NR1I2: variants seen among roughly 807,000 people sequenced by gnomAD.
NR1I2 encodes nuclear receptor subfamily 1 group I member 2.
Under a neutral mutation model 43.3 loss-of-function variants are expected in NR1I2, and 42 were observed. That is an observed-to-expected ratio of 0.97 (90% CI 0.76 to 1.26). The LOEUF is 1.26. Among genes scored for constraint, NR1I2 ranks in the 50% most tolerant of loss-of-function variants. The pLI is 0.00. For missense variants in NR1I2, 559 were observed against 566.7 expected, an observed-to-expected ratio of 0.99 and a Z score of 0.14; for synonymous variants, 229 against 215.0, an observed-to-expected ratio of 1.06 and a Z score of -0.57.
chr3:119,806,034 C>G (rs1317698489), intron 1 of NR1I2, among the ~76,000 whole-genome samples: 1 of 152,142 alleles, frequency 6.6e-6, no homozygotes, highest in Non-Finnish European at 1.5e-5. Flanking sequence ...TGTCACCTGT[C>G]ATGATGTTGG....
intron 1 of NR1I2, among the ~76,000 whole-genome samples, chr3:119,797,069 G>C (rs2055010179): frequency 6.6e-6 from 1 of 152,188 alleles, no homozygotes; most frequent in Non-Finnish European, 1.5e-5. Context: ...GCTGGGTCCT[G>C]TTTGGTCACA....
Position 119,812,845 on chromosome 3 carries a change from C to G in NR1I2, c.679C>G (p.Pro227Ala). ...GGATGGCAGTGTCTGGAACTACAAACCCCCAGCCGACAGTGGCGGGAAAGA... is the reference window on the plus strand; with the variant it reads ...GGATGGCAGTGTCTGGAACTACAAAGCCCCAGCCGACAGTGGCGGGAAAGA... Residue 227 changes from proline (P) to alanine (A), a missense_variant, in exon 5 of 9, where the codon CCC becomes GCC. Pro to Ala is a conservative substitution (Grantham distance 27, BLOSUM62 -1). This residue lies in a region of NR1I2 where 323 missense variants were observed against 312.2 expected (regional missense o/e 1.03). Coordinates refer to ENST00000393716, the MANE Select transcript of NR1I2 (RefSeq NM_003889.4). 6.2e-7 allele frequency: 1 copy of G among 1,614,222 alleles called. No individual in the cohort carries two copies. Among genetic ancestry groups the G allele is most frequent in the African/African-American group, 1.3e-5 (1 of 75,044 alleles).
intron 1 of NR1I2, among the ~76,000 whole-genome samples, chr3:119,786,402 T>C (rs1214441872): frequency 6.6e-6 from 1 of 152,212 alleles, no homozygotes; most frequent in Non-Finnish European, 1.5e-5. Flanking sequence ...CCTGAACCTC[T>C]TTGAAACATC....
rs199860148 is a variant in NR1I2 at position 119,815,085 on chromosome 3, T to G, written c.901T>G (p.Cys301Gly). 6.2e-6 allele frequency: 10 copies of G among 1,613,764 alleles called. No homozygotes were observed. Among genetic ancestry groups the G allele is most frequent in the Non-Finnish European group, 8.5e-6 (10 of 1,179,948 alleles). The change falls in exon 6 of 9, where the codon TGT (cysteine) becomes GGT (glycine). Residue 301 changes from cysteine (C) to glycine (G), a missense_variant. This residue lies in a region of NR1I2 where 323 missense variants were observed against 312.2 expected (regional missense o/e 1.03). Transcript: ENST00000393716. ...CAACGCGGAGACTGGAACCTGGGAG[T>G]GTGGCCGGCTGTCCTACTGCTTGGA...
rs558424430 is a variant in NR1I2 at position 119,783,641 on chromosome 3, A to G, written c.-23+1341A>G. Among the ~76,000 whole-genome samples, 3 of 152,346 alleles carry G rather than the reference A, an allele frequency of 2.0e-5. No individual in the cohort carries two copies. The East Asian group carries it at 5.8e-4, about 29-fold the overall frequency. Reference sequence around the variant, plus strand: ...TTTTTAGGTAATAACTTTTTAAATTATAAAGTAATACATGATTTCATGCTC... The same window carrying G: ...TTTTTAGGTAATAACTTTTTAAATTGTAAAGTAATACATGATTTCATGCTC... On this transcript the variant is annotated intron_variant, in intron 1 of 8. Coordinates refer to ENST00000393716, the MANE Select transcript of NR1I2 (RefSeq NM_003889.4).
At chr3:119,810,453 G>C (rs2055224073) in intron 3 of NR1I2, 1 of 563,408 alleles carries the variant, frequency 1.8e-6, no homozygotes, top group Non-Finnish European at 3.2e-6. Context: ...CGTGCCCTCT[G>C]TCTCCCCTCA....
At position 119,817,592 on chromosome 3, in the gene NR1I2, G is replaced by A; in HGVS notation, c.*380G>A. On this transcript the variant is annotated 3_prime_UTR_variant, in exon 9 of 9. Coordinates refer to ENST00000393716, the MANE Select transcript of NR1I2 (RefSeq NM_003889.4). ...CAAGCGACCAAGGATGGGCCATCTG[G>A]GGTCTATGCCCACATACCCACGTTT... The A allele has an allele frequency of 1.7e-6, 2 of 1,168,478 alleles. No homozygotes were observed. The highest frequency in any genetic ancestry group is 3.7e-5 in the South Asian group (2 of 54,368). The allele number at this position is 1,168,478 out of a possible 1,614,324, so 72.4% of individuals were successfully genotyped here. A position where few individuals can be genotyped will look rare whatever the true frequency, so the allele number is the denominator to read the frequency against.
At chr3:119,791,293 G>C (rs1237770887) in intron 1 of NR1I2, among the ~76,000 whole-genome samples, 1 of 152,186 alleles carries the variant, frequency 6.6e-6, no homozygotes, top group Non-Finnish European at 1.5e-5. Flanking sequence ...TCTGAGAGCA[G>C]GTTTGGGGTG....
intron 1 of NR1I2, among the ~76,000 whole-genome samples, chr3:119,785,937 C>A (rs1216080812): frequency 6.6e-6 from 1 of 152,184 alleles, no homozygotes. Flanking sequence ...TGTTTAGTAA[C>A]TATTCCATAT....
rs561018422 is a variant in NR1I2, at chr3:119,782,583, C to T, written c.-23+283C>T. 175 of 604,032 alleles carry T rather than the reference C, an allele frequency of 2.9e-4. No homozygotes were observed. In the Middle Eastern group the frequency reaches 3.1e-3, roughly 11 times the overall value. The allele number at this position is 604,032 out of a possible 1,614,324, so 37.4% of individuals were successfully genotyped here. ...GCCTTAACTACTGCATGAGTTACCA[C>T]AAGTCACACATACAACCAGCTCCCT... On this transcript the variant is annotated intron_variant, in intron 1 of 8. Coordinates refer to ENST00000393716, the MANE Select transcript of NR1I2 (RefSeq NM_003889.4).
At chr3:119,800,274 G>T (rs1182269031) in intron 1 of NR1I2, among the ~76,000 whole-genome samples, 3 of 152,018 alleles carry the variant, frequency 2.0e-5, no homozygotes, top group African/African-American at 7.2e-5. Flanking sequence ...GAATTGCCTT[G>T]CATTTTTACC....
chr3:119,805,926 C>T (rs1299063343), intron 1 of NR1I2, among the ~76,000 whole-genome samples: 1 of 152,018 alleles, frequency 6.6e-6, no homozygotes, highest in East Asian at 1.9e-4. Context: ...CTGTTCAGTT[C>T]AGGTTTCCAG....
At chr3:119,810,346 C>A (rs2055221974) in intron 3 of NR1I2, 152 bp downstream of exon 3, 3 of 1,230,984 alleles carry the variant, frequency 2.4e-6, no homozygotes, top group Admixed American at 5.1e-5. Flanking sequence ...GTGCAACAGG[C>A]AGCCACCTGG....
Position 119,807,326 on chromosome 3 carries a change from A to G in NR1I2, c.76A>G (p.Lys26Glu). 6.2e-7 allele frequency: 1 copy of G among 1,614,240 alleles called. No homozygotes were observed. The highest frequency in any genetic ancestry group is 8.5e-7 in the Non-Finnish European group (1 of 1,180,042). ...TGAGGACACAGAGTCTGTTCCTGGA[A>G]AGCCCAGTGTCAACGCAGATGAGGA... The change falls in exon 2 of 9, where the codon AAG becomes GAG. Residue 26 changes from lysine (K) to glutamate (E), a missense_variant. By Grantham distance (56) the Lys-to-Glu change is moderately conservative. Transcript: ENST00000393716.
chr3:119,815,436 C>G lies in NR1I2; in HGVS notation c.1051C>G (p.Pro351Ala). ...GATGCAGGCCATCTCCCTCTTCTCC[C>G]CAGGTGAGGATCTCCCCTAGGCTGC... The change falls in exon 7 of 9, where the codon CCA (proline) becomes GCA (alanine). Residue 351 changes from proline to alanine, a missense_variant. This residue lies in a region of NR1I2 where 323 missense variants were observed against 312.2 expected (regional missense o/e 1.03). Coordinates refer to ENST00000393716, the MANE Select transcript of NR1I2 (RefSeq NM_003889.4). The G allele has an allele frequency of 6.2e-7, 1 of 1,609,916 alleles. No individual in the cohort carries two copies. Among genetic ancestry groups the G allele is most frequent in the Non-Finnish European group, 8.5e-7 (1 of 1,177,508 alleles).
chr3:119,794,135 A>G (rs2054961204), intron 1 of NR1I2, among the ~76,000 whole-genome samples: 1 of 152,004 alleles, frequency 6.6e-6, no homozygotes, highest in African/African-American at 2.4e-5. Flanking sequence ...TCAGCCTCCC[A>G]AGTAGCTAGG....
At chr3:119,800,911 C>T (rs1004619352) in intron 1 of NR1I2, among the ~76,000 whole-genome samples, 7 of 152,292 alleles carry the variant, frequency 4.6e-5, no homozygotes, top group African/African-American at 9.6e-5. Context: ...GTTTAATAAA[C>T]GGTTTACCCA....
intron 1 of NR1I2, among the ~76,000 whole-genome samples, chr3:119,797,377 G>A (rs993911980): frequency 1.3e-5 from 2 of 152,084 alleles, no homozygotes; most frequent in African/African-American, 4.8e-5. Context: ...CCAGGCAGGA[G>A]GTGTCATGGC....
intron 1 of NR1I2, among the ~76,000 whole-genome samples, chr3:119,803,244 C>A (rs1189399309): frequency 2.6e-5 from 4 of 151,616 alleles, no homozygotes; most frequent in Admixed American, 6.6e-5. Context: ...TGGAGGATCG[C>A]TTGAGTCCAG....
Sources: allele counts gnomAD v4.1 joint callset (sites outside exome capture counted in the v4.1 genomes callset), GRCh38; gene constraint gnomAD v4.1.1; regional missense constraint gnomAD v4.1.1; transcripts MANE v1.5; gene names NCBI Gene and HGNC (gene_info 2026-07-23, HGNC 2026-07-21).